The following GLI3 variants were observed in gnomAD, a reference collection of about 807,000 sequenced individuals.
The protein encoded by GLI3 is GLI family zinc finger 3.
GLI3 carries 20 observed loss-of-function variants against 100.8 expected under a neutral mutation model. The observed-to-expected ratio is 0.20, with a 90% CI of 0.14 to 0.29. GLI3 has a LOEUF of 0.29. GLI3 is among the 10% of genes least tolerant of loss of function. The pLI is 1.00. For missense variants in GLI3, 2,040 were observed against 2,128.5 expected (o/e 0.96, Z 0.82); for synonymous variants, 938 against 860.5 (o/e 1.09, Z -1.58).
chr7:42,172,633 G>A lies in GLI3; in HGVS notation c.125-24165C>T, dbSNP rs756074638. Reference sequence around the variant, plus strand: ...GTGCAGCAGCAGGGATGGACAGCGCGGATGCATCCAATCCTCCTGGTCCAG... The same window carrying A: ...GTGCAGCAGCAGGGATGGACAGCGCAGATGCATCCAATCCTCCTGGTCCAG... On this transcript the variant is annotated intron_variant, in intron 2 of 14. Transcript: ENST00000395925. 2.4e-4 allele frequency: 168 copies of A among 702,892 alleles called. No homozygotes were observed. In the Middle Eastern group the frequency reaches 4.8e-3, roughly 20 times the overall value. The allele number at this position is 702,892 out of a possible 1,614,324, so 43.5% of individuals were successfully genotyped here. A position where few individuals can be genotyped will look rare whatever the true frequency, so the allele number is the denominator to read the frequency against.
intron 3 of GLI3, among the ~76,000 whole-genome samples, chr7:42,078,077 T>C (rs1251769658): frequency 6.6e-6 from 1 of 152,178 alleles, no homozygotes; most frequent in Non-Finnish European, 1.5e-5. Flanking sequence ...CAATGGGGCC[T>C]TCTCTCAGCG....
chr7:42,012,038 C>G (rs1000848500), intron 10 of GLI3, among the ~76,000 whole-genome samples: 3 of 152,168 alleles, frequency 2.0e-5, no homozygotes, highest in Non-Finnish European at 4.4e-5. Flanking sequence ...TGGTCCTCAC[C>G]GCTCGTGCCT....
intron 7 of GLI3, among the ~76,000 whole-genome samples, chr7:42,039,772 A>C (rs1264371947): frequency 1.3e-5 from 2 of 152,230 alleles, no homozygotes; most frequent in African/African-American, 4.8e-5. Flanking sequence ...TACTGTCTCT[A>C]CGAAGTGGAT....
intron 11 of GLI3, 29 bp downstream of exon 11, chr7:41,978,570 G>T: frequency 1.2e-6 from 2 of 1,612,132 alleles, no homozygotes; most frequent in Non-Finnish European, 1.7e-6. Flanking sequence ...AAGGACCCAA[G>T]TGTGCCTGCC....
chr7:42,112,047 A>C (rs976838667), intron 3 of GLI3, among the ~76,000 whole-genome samples: 3 of 152,232 alleles, frequency 2.0e-5, no homozygotes, highest in African/African-American at 7.2e-5. Flanking sequence ...AGGACAAAAA[A>C]GTGTGCCAGA....
At position 41,964,914 on chromosome 7, in the gene GLI3, C is replaced by G; in HGVS notation, c.4159G>C (p.Ala1387Pro). Residue 1387 changes from alanine (A) to proline (P), a missense_variant, in exon 15 of 15, where the codon GCC becomes CCC. Coordinates refer to ENST00000395925, the MANE Select transcript of GLI3 (RefSeq NM_000168.6). Reference protein sequence around the residue: ...LAVVRGYQPCASFGGSRRQAM... With the variant: ...LAVVRGYQPCPSFGGSRRQAM... Reference sequence around the variant, plus strand: ...TGGCGCCTGCTGCCCCCAAAGCTGGCACATGGCTGGTAGCCCCTGACAACT... The same window carrying G: ...TGGCGCCTGCTGCCCCCAAAGCTGGGACATGGCTGGTAGCCCCTGACAACT... 1 of 1,613,826 alleles carries G rather than the reference C, an allele frequency of 6.2e-7. No homozygotes were observed. The highest frequency in any genetic ancestry group is 1.1e-5 in the South Asian group (1 of 91,086).
At chr7:42,196,027 G>A (rs1037592143) in intron 2 of GLI3, among the ~76,000 whole-genome samples, 2 of 152,112 alleles carry the variant, frequency 1.3e-5, no homozygotes, top group East Asian at 1.9e-4. Flanking sequence ...GGTAAACAAC[G>A]TTAAACACAA....
chr7:42,001,460 G>C (rs536036328), intron 10 of GLI3, among the ~76,000 whole-genome samples: 1 of 152,224 alleles, frequency 6.6e-6, no homozygotes, highest in Non-Finnish European at 1.5e-5. Context: ...GCCAGGTATG[G>C]TTAACTCTAT....
At chr7:42,176,108 T>C (rs191050751) in intron 2 of GLI3, among the ~76,000 whole-genome samples, 67 of 152,260 alleles carry the variant, frequency 4.4e-4, no homozygotes, top group African/African-American at 1.5e-3. Flanking sequence ...AAGTCAGGCA[T>C]GGTGACCGAA....
chr7:42,215,368 T>C (rs1325995661), intron 2 of GLI3, among the ~76,000 whole-genome samples: 1 of 152,200 alleles, frequency 6.6e-6, no homozygotes, highest in Non-Finnish European at 1.5e-5. Context: ...TTTTTGCTTT[T>C]ACTATCACCC....
intron 10 of GLI3, among the ~76,000 whole-genome samples, chr7:41,984,890 T>C (rs1787772512): frequency 6.6e-6 from 1 of 152,256 alleles, no homozygotes; most frequent in Admixed American, 6.5e-5. Context: ...AAGCAAAATA[T>C]ATGTTCATAG....
intron 7 of GLI3, among the ~76,000 whole-genome samples, chr7:42,027,077 C>T (rs1275857779): frequency 1.3e-5 from 2 of 152,244 alleles, no homozygotes; most frequent in Non-Finnish European, 2.9e-5. Context: ...TCTAGCTAAA[C>T]AGCATTTAAT....
At chr7:42,182,660 A>ATATATATATATATACACATGTGTG (rs1554337055) in intron 2 of GLI3, among the ~76,000 whole-genome samples, 3 of 59,138 alleles carry the variant, frequency 5.1e-5, no homozygotes, top group African/African-American at 2.9e-4. Context: ...ATATATATAT[A>ATATATATATATATACACATGTGTG]TATATATATA....
chr7:42,107,039 G>T (rs1386834485), intron 3 of GLI3, among the ~76,000 whole-genome samples: 1 of 152,156 alleles, frequency 6.6e-6, no homozygotes, highest in Non-Finnish European at 1.5e-5. Context: ...AATTGTGTCA[G>T]GTGTGGCGGC....
chr7:42,051,008 T>C (rs549769996), intron 4 of GLI3, among the ~76,000 whole-genome samples: 1 of 152,314 alleles, frequency 6.6e-6, no homozygotes, highest in African/African-American at 2.4e-5. Flanking sequence ...TCAAGTCTGA[T>C]GTCCCTGTCA....
intron 10 of GLI3, 109 bp downstream of exon 10, chr7:42,023,359 C>T (rs1027770851): frequency 8.9e-6 from 10 of 1,124,632 alleles, no homozygotes; most frequent in African/African-American, 6.1e-5. Flanking sequence ...CTCTCCAGTT[C>T]GCAATGCGGC....
At chr7:42,187,960 G>A (rs1054309284) in intron 2 of GLI3, among the ~76,000 whole-genome samples, 3 of 131,186 alleles carry the variant, frequency 2.3e-5, no homozygotes, top group African/African-American at 6.1e-5. Context: ...CCGAGATCGC[G>A]CCACTGCACT....
chr7:42,154,763 T>C (rs971126591), intron 2 of GLI3, among the ~76,000 whole-genome samples: 20 of 152,344 alleles, frequency 1.3e-4, no homozygotes, highest in African/African-American at 4.1e-4. Context: ...TCCATCTAGA[T>C]TGCAGTTCTG....
chr7:42,241,191 C>T (rs772759906), upstream of GLI3, among the ~76,000 whole-genome samples: 39 of 152,302 alleles, frequency 2.6e-4, no homozygotes, highest in Non-Finnish European at 4.6e-4. Flanking sequence ...TTTCATCTTT[C>T]GGCTCCACTT....
Sources: gnomAD v4.1 joint callset for allele counts (sites outside exome capture counted in the v4.1 genomes callset) on GRCh38, gnomAD v4.1.1 for gene constraint, MANE v1.5 for transcripts, NCBI Gene and HGNC (gene_info 2026-07-23, HGNC 2026-07-21) for gene names.